PHYH: variants seen among roughly 807,000 people sequenced by gnomAD.
The protein encoded by PHYH is phytanoyl-CoA dioxygenase, peroxisomal.
A neutral mutation model predicts 38.5 loss-of-function variants in PHYH; 32 were observed. The observed-to-expected ratio is 0.83, with a 90% confidence interval of 0.63 to 1.12. The LOEUF (loss-of-function observed/expected upper bound fraction) is 1.12, where lower values mean the gene tolerates loss of function less well. PHYH is among the 50% of genes most tolerant of loss of function. PHYH has a pLI of 0.00. For synonymous variants in PHYH, 166 were observed against 157.9 expected, an observed-to-expected ratio of 1.05 and a Z score of -0.38; for missense variants, 426 against 434.8, an observed-to-expected ratio of 0.98 and a Z score of 0.18.
intron 5 of PHYH, among the ~76,000 whole-genome samples, chr10:13,290,927 T>A (rs941417206): frequency 6.6e-6 from 1 of 151,872 alleles, no homozygotes; most frequent in East Asian, 1.9e-4. Context: ...CGAAACCCTG[T>A]CTCTACTAAA....
intron 8 of PHYH, among the ~76,000 whole-genome samples, 200 bp downstream of exon 8, chr10:13,280,776 A>G (rs1835391632): frequency 6.6e-6 from 1 of 152,196 alleles, no homozygotes; most frequent in African/African-American, 2.4e-5. Flanking sequence ...AGCAGCAGGA[A>G]GTTCTCAAGC....
At chr10:13,283,893 C>T (rs1197442739) in intron 6 of PHYH, 54 bp from the exon 7 acceptor site, 13 of 1,432,574 alleles carry the variant, frequency 9.1e-6, no homozygotes, top group Admixed American at 1.7e-5. Context: ...TAATTAAAAA[C>T]ATTGTCAATG....
intron 1 of PHYH, among the ~76,000 whole-genome samples, chr10:13,298,712 TACC>T (rs754901177): frequency 0.032 from 4,397 of 136,982 alleles, 180 homozygotes; most frequent in Non-Finnish European, 0.044. Context: ...GAAAAAAAAC[TACC>T]ACCACTACTA....
intron 2 of PHYH, among the ~76,000 whole-genome samples, chr10:13,296,458 A>G (rs1271699695): frequency 6.6e-6 from 1 of 150,526 alleles, no homozygotes; most frequent in East Asian, 2.0e-4. Flanking sequence ...GCTACTCAAG[A>G]GGATGAGGCA....
At chr10:13,298,110 T>C in intron 2 of PHYH, 77 bp downstream of exon 2, 2 of 830,494 alleles carry the variant, frequency 2.4e-6, no homozygotes, top group Non-Finnish European at 4.2e-6. Flanking sequence ...TAACATATTA[T>C]GTGGTATATC....
chr10:13,298,234 G>A lies in PHYH; in HGVS notation c.87C>T (p.Pro29=), dbSNP rs1832625642. ...TGGCAGAGGAAATAGTCCCTGAAGT[G>A]GGATGAGCTACCTAGGATGTGAATT... ...RPSAGAVVAH[P]TSGTISSASF... Residue 29 remains proline (P), a synonymous_variant, in exon 2 of 9, where the codon CCC becomes CCT. Coordinates refer to ENST00000263038, the MANE Select transcript of PHYH (RefSeq NM_006214.4). 1 of 1,603,340 alleles carries A rather than the reference G, an allele frequency of 6.2e-7. No individual in the cohort carries two copies. Among genetic ancestry groups the A allele is most frequent in the Middle Eastern group, 1.7e-4 (1 of 6,036 alleles).
At chr10:13,284,250 A>AG (rs1835491562) in intron 6 of PHYH, among the ~76,000 whole-genome samples, 1 of 152,066 alleles carries the variant, frequency 6.6e-6, no homozygotes, top group African/African-American at 2.4e-5. Context: ...TTGAGCCGGG[A>AG]GGGGGAGGTT....
At chr10:13,286,076 T>C (rs1294658670) in intron 6 of PHYH, among the ~76,000 whole-genome samples, 3 of 151,864 alleles carry the variant, frequency 2.0e-5, no homozygotes, top group Non-Finnish European at 4.4e-5. Context: ...CCCAGCTAAT[T>C]ATTATTATTA....
intron 1 of PHYH, chr10:13,299,712 G>A: frequency 7.7e-7 from 1 of 1,293,924 alleles, no homozygotes; most frequent in Non-Finnish European, 9.8e-7. Context: ...AGGCCCCCAG[G>A]GATCCCGGAG....
chr10:13,299,381 G>GGC, intron 1 of PHYH: 1 of 975,902 alleles, frequency 1.0e-6, no homozygotes, highest in South Asian at 4.8e-5. Flanking sequence ...GAAGAGCCGA[G>GGC]ACAACAGGCA....
intron 3 of PHYH, chr10:13,295,079 G>A (rs1005974429): frequency 2.5e-5 from 7 of 280,422 alleles, no homozygotes; most frequent in Non-Finnish European, 4.1e-5. Flanking sequence ...GGTGGCTCCC[G>A]ACTGTAATCC....
chr10:13,287,578 T>A (rs1835584547), intron 6 of PHYH, among the ~76,000 whole-genome samples: 1 of 152,108 alleles, frequency 6.6e-6, no homozygotes, highest in African/African-American at 2.4e-5. Flanking sequence ...TGTTCTTTGG[T>A]CAAGTTCAGG....
chr10:13,288,353 G>T lies in PHYH; in HGVS notation c.678+7C>A. 1 of 1,613,188 alleles carries T rather than the reference G, an allele frequency of 6.2e-7. No individual in the cohort carries two copies. Among genetic ancestry groups the T allele is most frequent in the South Asian group, 1.1e-5 (1 of 91,004 alleles). On this transcript the variant is annotated splice_region_variant and intron_variant, in intron 6 of 8. Coordinates refer to ENST00000263038, the MANE Select transcript of PHYH (RefSeq NM_006214.4). ...CGGATCAAGACTCAGCCGCCGGGCA[G>T]ACCTACCTCCCACTTGGGGTAATCG...
chr10:13,283,967 T>C, intron 6 of PHYH, 128 bp from the exon 7 acceptor site: 1 of 885,000 alleles, frequency 1.1e-6, no homozygotes, highest in Admixed American at 1.8e-5. Flanking sequence ...GAAATAAATG[T>C]CTAAATTAAA....
intron 8 of PHYH, among the ~76,000 whole-genome samples, chr10:13,280,135 A>G (rs1835378786): frequency 6.6e-6 from 1 of 151,926 alleles, no homozygotes. Flanking sequence ...GACCCAGCTA[A>G]TTTTTGTATT....
chr10:13,278,330 G>C lies in PHYH; in HGVS notation c.988C>G (p.Leu330Val), dbSNP rs961997409. 41 of 1,612,822 alleles carry C rather than the reference G, an allele frequency of 2.5e-5. No individual in the cohort carries two copies. Among genetic ancestry groups the C allele is most frequent in the Non-Finnish European group, 3.4e-5 (40 of 1,178,866 alleles). Residue 330 changes from leucine to valine, a missense_variant, in exon 9 of 9, where the codon CTT becomes GTT. Coordinates refer to ENST00000263038, the MANE Select transcript of PHYH (RefSeq NM_006214.4). ...AGATTGGTTCTTTCTCCTTTCACAAGTCGAGCTCGAAACATCCAAATATCC... is the reference window on the plus strand; with the variant it reads ...AGATTGGTTCTTTCTCCTTTCACAACTCGAGCTCGAAACATCCAAATATCC... Reference protein sequence around the residue: ...LKDIWMFRARLVKGERTNL With the variant: ...LKDIWMFRARVVKGERTNL
chr10:13,292,425 G>A (rs1342560514), intron 4 of PHYH, among the ~76,000 whole-genome samples: 1 of 152,210 alleles, frequency 6.6e-6, no homozygotes, highest in Non-Finnish European at 1.5e-5. Context: ...GGGGAAGCAA[G>A]AGTGAACAAG....
At chr10:13,294,858 CA>C (rs1225221818) in intron 3 of PHYH, 26 of 485,992 alleles carry the variant, frequency 5.3e-5, no homozygotes, top group Non-Finnish European at 8.6e-5. Flanking sequence ...ATAATAACAG[CA>C]AACATTTCTG....
intron 4 of PHYH, among the ~76,000 whole-genome samples, chr10:13,293,010 A>C (rs1835751945): frequency 6.6e-6 from 1 of 152,066 alleles, no homozygotes; most frequent in Non-Finnish European, 1.5e-5. Context: ...CTGCAAAAAA[A>C]AGACTCCAAA....
Sources: allele counts gnomAD v4.1 joint callset (sites outside exome capture counted in the v4.1 genomes callset), GRCh38; gene constraint gnomAD v4.1.1; transcripts MANE v1.5; gene names NCBI Gene and HGNC (gene_info 2026-07-23, HGNC 2026-07-21).